EYS: variants seen among roughly 807,000 people sequenced by gnomAD.
EYS encodes the protein protein eyes shut homolog.
In EYS, 250 loss-of-function variants were observed where a neutral mutation model predicts 282.1. The ratio of observed to expected loss-of-function variants is 0.89; its 90% CI spans 0.80 to 0.98. EYS has a LOEUF of 0.98. Ranked by LOEUF, EYS falls within the 50% of genes least tolerant of loss-of-function variation. EYS has a pLI of 0.00. For synonymous variants in EYS, 1,355 were observed against 1,282.9 expected (o/e 1.06, Z -1.20); for missense variants, 4,016 against 3,709.0 (o/e 1.08, Z -2.15).
At chr6:64,966,121 G>A (rs1269505186) in intron 14 of EYS, among the ~76,000 whole-genome samples, 1 of 152,132 alleles carries the variant, frequency 6.6e-6, no homozygotes, top group Non-Finnish European at 1.5e-5. Flanking sequence ...GAAAAGACAA[G>A]TTGATTTCTT....
chr6:63,951,839 C>T (rs1765608509), intron 35 of EYS, among the ~76,000 whole-genome samples: 2 of 152,148 alleles, frequency 1.3e-5, no homozygotes, highest in Non-Finnish European at 2.9e-5. Flanking sequence ...AATAAAAACC[C>T]AGCCCATTTC....
chr6:65,622,706 T>C (rs982227683), intron 2 of EYS, among the ~76,000 whole-genome samples: 5 of 151,906 alleles, frequency 3.3e-5, no homozygotes, highest in Non-Finnish European at 7.4e-5. Flanking sequence ...TAATCAAGAG[T>C]AAGACCACAT....
At chr6:65,162,873 G>C (rs541878690) in intron 12 of EYS, among the ~76,000 whole-genome samples, 1 of 150,696 alleles carries the variant, frequency 6.6e-6, no homozygotes, top group East Asian at 2.0e-4. Flanking sequence ...AATCACACGT[G>C]ACTTCTCTTG....
At chr6:64,320,315 C>A (rs887767448) in intron 29 of EYS, among the ~76,000 whole-genome samples, 4 of 151,752 alleles carry the variant, frequency 2.6e-5, no homozygotes, top group African/African-American at 9.7e-5. Flanking sequence ...ACTCCAGTTA[C>A]TTGAAATTTT....
intron 22 of EYS, among the ~76,000 whole-genome samples, chr6:64,687,705 G>C (rs951470382): frequency 6.6e-6 from 1 of 152,164 alleles, no homozygotes; most frequent in Non-Finnish European, 1.5e-5. Flanking sequence ...TCTCTGCCAC[G>C]CTTTGTTATC....
At chr6:63,924,031 A>G (rs76165548) in intron 35 of EYS, among the ~76,000 whole-genome samples, 4,060 of 152,150 alleles carry the variant, frequency 0.027, 81 homozygotes, top group Non-Finnish European at 0.041. Flanking sequence ...TCAAAAGCTT[A>G]CAGAGAAAAT....
At chr6:65,635,364 T>C (rs1767048932) in intron 2 of EYS, among the ~76,000 whole-genome samples, 1 of 152,174 alleles carries the variant, frequency 6.6e-6, no homozygotes, top group Non-Finnish European at 1.5e-5. Context: ...GAGAAAATTA[T>C]GACAGTAAAA....
At chr6:64,713,676 T>G (rs974786097) in intron 22 of EYS, among the ~76,000 whole-genome samples, 1 of 152,134 alleles carries the variant, frequency 6.6e-6, no homozygotes, top group South Asian at 2.1e-4. Context: ...TTGTTCTTGG[T>G]TTCAGGTAAG....
chr6:64,235,361 T>C (rs1304265347), intron 30 of EYS, among the ~76,000 whole-genome samples: 1 of 151,888 alleles, frequency 6.6e-6, no homozygotes. Context: ...GTTCTTGTGA[T>C]AGTTTACTGA....
intron 35 of EYS, among the ~76,000 whole-genome samples, chr6:63,913,504 A>G (rs570083420): frequency 1.3e-5 from 2 of 152,122 alleles, no homozygotes; most frequent in African/African-American, 2.4e-5. Flanking sequence ...CATACTTCCC[A>G]TGTCCTTAGT....
chr6:64,314,517 G>A (rs1561924573), intron 29 of EYS, among the ~76,000 whole-genome samples: 1 of 151,956 alleles, frequency 6.6e-6, no homozygotes, highest in Non-Finnish European at 1.5e-5. Flanking sequence ...TTCTAAAATT[G>A]ACCATATAAT....
intron 31 of EYS, among the ~76,000 whole-genome samples, chr6:64,097,402 C>T (rs949562800): frequency 1.3e-5 from 2 of 152,162 alleles, no homozygotes; most frequent in African/African-American, 4.8e-5. Context: ...GGCCTCCACC[C>T]AGTTTGAGCT....
intron 5 of EYS, among the ~76,000 whole-genome samples, chr6:65,476,083 A>G (rs1349672225): frequency 6.6e-6 from 1 of 152,144 alleles, no homozygotes; most frequent in African/African-American, 2.4e-5. Context: ...ATTTAAAAAA[A>G]AGTAACTTGC....
At chr6:64,367,002 T>C (rs1772204754) in intron 29 of EYS, among the ~76,000 whole-genome samples, 1 of 152,082 alleles carries the variant, frequency 6.6e-6, no homozygotes, top group South Asian at 2.1e-4. Context: ...CTGTTTCTCA[T>C]CCTCATTCTT....
chr6:65,490,792 T>C (rs1766014645), intron 4 of EYS, 85 bp from the exon 5 acceptor site: 2 of 751,562 alleles, frequency 2.7e-6, no homozygotes, highest in South Asian at 3.0e-5. Flanking sequence ...ATAATGAAAA[T>C]ATCAAATTCT....
intron 12 of EYS, among the ~76,000 whole-genome samples, chr6:65,241,185 C>T (rs1767049456): frequency 6.6e-6 from 1 of 152,064 alleles, no homozygotes; most frequent in African/African-American, 2.4e-5. Flanking sequence ...CTTCCTTTCA[C>T]ATTGTTAAAA....
chr6:64,822,755 G>A lies in EYS; in HGVS notation c.3060C>T (p.Ile1020=), dbSNP rs538242132. The change falls in exon 20 of 43, where the codon ATC becomes ATT. Residue 1020 remains isoleucine, a synonymous_variant. Coordinates refer to ENST00000503581, the MANE Select transcript of EYS (RefSeq NM_001142800.2). ...CACAGGTATAATGATTGATGCCATC[G>A]ATACAAACTCCATCATGGAGACAGG... The part of the protein sequence containing the change: ...SEPCLHDGVC[I]DGINHYTCDC... 2.8e-5 allele frequency: 43 copies of A among 1,549,818 alleles called. 1 individual carries two copies. In the South Asian group the frequency reaches 4.4e-4, roughly 16 times the overall value.
At chr6:63,942,567 G>A (rs374346207) in intron 35 of EYS, among the ~76,000 whole-genome samples, 29 of 152,178 alleles carry the variant, frequency 1.9e-4, no homozygotes, top group African/African-American at 6.0e-4. Context: ...AAAACAAATC[G>A]ACATTAAACA....
At chr6:65,216,912 A>G (rs2150256086) in intron 12 of EYS, among the ~76,000 whole-genome samples, 1 of 152,104 alleles carries the variant, frequency 6.6e-6, no homozygotes, top group Middle Eastern at 3.4e-3. Context: ...AACATGCAAA[A>G]CATATCACAA....
Sources: gnomAD v4.1 joint callset for allele counts (sites outside exome capture counted in the v4.1 genomes callset) on GRCh38, gnomAD v4.1.1 for gene constraint, MANE v1.5 for transcripts, NCBI Gene and HGNC (gene_info 2026-07-23, HGNC 2026-07-21) for gene names.